ZNF382: variants seen among roughly 807,000 people sequenced by gnomAD.
ZNF382 encodes zinc finger protein 382, also known as KRAB/zinc finger suppressor protein 1.
A neutral mutation model predicts 38.8 loss-of-function variants in ZNF382; 20 were observed. That is an observed-to-expected ratio of 0.51 (90% CI 0.36 to 0.75). The LOEUF (loss-of-function observed/expected upper bound fraction) is 0.75, where lower values mean the gene tolerates loss of function less well. Among genes scored for constraint, ZNF382 ranks in the 30% least tolerant of loss-of-function variants. The pLI is 0.00. For missense variants in ZNF382, 546 were observed against 654.1 expected, an observed-to-expected ratio of 0.83 and a Z score of 1.80; for synonymous variants, 202 against 223.1, an observed-to-expected ratio of 0.91 and a Z score of 0.84.
chr19:36,622,322 G>A (rs746512175), intron 4 of ZNF382, among the ~76,000 whole-genome samples: 33 of 152,026 alleles, frequency 2.2e-4, no homozygotes, highest in Non-Finnish European at 2.6e-4. Context: ...GTGGCACCCG[G>A]CCAGGTTTGA....
At chr19:36,625,920 G>A (rs1204671700) in intron 4 of ZNF382, among the ~76,000 whole-genome samples, 3 of 152,084 alleles carry the variant, frequency 2.0e-5, no homozygotes, top group Admixed American at 1.3e-4. Flanking sequence ...AAAGATATGA[G>A]TGTTTTTTGC....
chr19:36,621,505 C>A (rs1429665210), intron 4 of ZNF382, among the ~76,000 whole-genome samples: 1 of 151,814 alleles, frequency 6.6e-6, no homozygotes, highest in Non-Finnish European at 1.5e-5. Context: ...TTGTTCAAGA[C>A]TACTAAATAT....
rs778609516 is a variant in ZNF382, at chr19:36,626,353, A to C, written c.456A>C (p.Arg152Ser). 4 of 1,581,412 alleles carry C rather than the reference A, an allele frequency of 2.5e-6. No homozygotes were observed. The highest frequency in any genetic ancestry group is 3.4e-6 in the Non-Finnish European group (4 of 1,168,972). ...AAAATATTTCAGAACTAGTCATTAG[A>C]AATATAAGCCCCATAAAAGAGAAGT... is the stretch of plus-strand genomic sequence containing the variant. ...VLKNISELVIRNISPIKEKFG... is the reference protein window; with the variant it reads ...VLKNISELVISNISPIKEKFG... Residue 152 changes from arginine (R) to serine (S), a missense_variant, in exon 5 of 5, where the codon AGA (arginine) becomes AGC (serine). Coordinates refer to ENST00000292928, the MANE Select transcript of ZNF382 (RefSeq NM_032825.5).
chr19:36,609,078 A>G (rs1239937215), intron 2 of ZNF382: 1 of 152,210 alleles, frequency 6.6e-6, no homozygotes. Flanking sequence ...ACGTGTGTCA[A>G]CTTATGTTTA....
chr19:36,623,430 T>C (rs1415147237), intron 4 of ZNF382, among the ~76,000 whole-genome samples: 1 of 152,118 alleles, frequency 6.6e-6, no homozygotes, highest in Non-Finnish European at 1.5e-5. Flanking sequence ...TATCTGGAAG[T>C]GAATGTTCCA....
chr19:36,614,584 T>A (rs2037105891), intron 4 of ZNF382, among the ~76,000 whole-genome samples: 1 of 152,178 alleles, frequency 6.6e-6, no homozygotes, highest in Non-Finnish European at 1.5e-5. Context: ...TCTTACATAT[T>A]GCTCATTAAG....
intron 4 of ZNF382, among the ~76,000 whole-genome samples, chr19:36,621,952 A>G (rs2037174021): frequency 6.6e-6 from 1 of 152,192 alleles, no homozygotes; most frequent in South Asian, 2.1e-4. Flanking sequence ...ACAGTAATCC[A>G]TCCAAGACTG....
In ZNF382 at chr19:36,631,101, A is replaced by G. The variant is rs2037251355; in HGVS notation, c.*3551A>G. ...CACTCACTTTAGAGATTTTCACTTTATGAATTGATAAATACAGCATTGCAT... is the reference window on the plus strand; with the variant it reads ...CACTCACTTTAGAGATTTTCACTTTGTGAATTGATAAATACAGCATTGCAT... On this transcript the variant is annotated 3_prime_UTR_variant, in exon 5 of 5. Coordinates refer to ENST00000292928, the MANE Select transcript of ZNF382 (RefSeq NM_032825.5). The G allele has an allele frequency of 6.6e-6, 1 of 152,016 alleles. No homozygotes were observed. The highest frequency in any genetic ancestry group is 2.1e-4 in the South Asian group (1 of 4,812). The allele number at this position is 152,016 out of a possible 1,614,324, so 9.4% of individuals were successfully genotyped here.
chr19:36,606,121 T>G (rs1000184853), intron 1 of ZNF382, among the ~76,000 whole-genome samples: 2 of 152,140 alleles, frequency 1.3e-5, no homozygotes, highest in African/African-American at 2.4e-5. Flanking sequence ...GACTTGATTA[T>G]CTGAATAGTA....
At position 36,630,213 on chromosome 19, in the gene ZNF382, T is replaced by A. The variant is rs1370994332; in HGVS notation, c.*2663T>A. The A allele has an allele frequency of 6.6e-6, 1 of 152,114 alleles. No individual in the cohort carries two copies. 9.4% of individuals were successfully genotyped at this position (152,114 alleles called of 1,614,324 possible). A position where few individuals can be genotyped will look rare whatever the true frequency, so the allele number is the denominator to read the frequency against. ...AATAGCCCCCAAAAGAAAGGCAGGATAATGCGATCTATCCTCAAAAGACCC... is the reference window on the plus strand; with the variant it reads ...AATAGCCCCCAAAAGAAAGGCAGGAAAATGCGATCTATCCTCAAAAGACCC... On this transcript the variant is annotated 3_prime_UTR_variant, in exon 5 of 5. Transcript: ENST00000292928.
chr19:36,607,087 A>G (rs2037037999), intron 1 of ZNF382, among the ~76,000 whole-genome samples: 1 of 152,002 alleles, frequency 6.6e-6, no homozygotes, highest in Non-Finnish European at 1.5e-5. Context: ...CAAAAAAAAA[A>G]AAAAAAAAGA....
At chr19:36,619,153 G>A (rs1205939374) in intron 4 of ZNF382, among the ~76,000 whole-genome samples, 1 of 152,206 alleles carries the variant, frequency 6.6e-6, no homozygotes, top group East Asian at 1.9e-4. Flanking sequence ...GTGCGCATAT[G>A]TCTGTGTGTA....
rs185148972 is a variant in ZNF382, at chr19:36,610,640, C to T, written c.140-10C>T. Reference sequence around the variant, plus strand: ...CAGCTTAGACCAAAAGTCTCATTTTCCATCATCAGGGTTTCACATGGCTAA... The same window carrying T: ...CAGCTTAGACCAAAAGTCTCATTTTTCATCATCAGGGTTTCACATGGCTAA... On this transcript the variant is annotated splice_polypyrimidine_tract_variant and intron_variant, in intron 3 of 4. Coordinates refer to ENST00000292928, the MANE Select transcript of ZNF382 (RefSeq NM_032825.5). 7.6e-3 allele frequency: 12,179 copies of T among 1,604,284 alleles called. 63 individuals carry two copies. The highest frequency in any genetic ancestry group is 0.019 in the Middle Eastern group (116 of 6,022).
At chr19:36,620,638 G>T (rs2037161506) in intron 4 of ZNF382, among the ~76,000 whole-genome samples, 1 of 152,112 alleles carries the variant, frequency 6.6e-6, no homozygotes, top group Non-Finnish European at 1.5e-5. Context: ...AACTGTAGTG[G>T]TATATTTTAA....
intron 1 of ZNF382, among the ~76,000 whole-genome samples, chr19:36,606,442 A>G (rs1486093907): frequency 6.7e-6 from 1 of 149,882 alleles, no homozygotes; most frequent in Non-Finnish European, 1.5e-5. Context: ...TGCCACCTCT[A>G]CCTCTGAAGT....
Position 36,627,125 on chromosome 19 carries a change from T to C in ZNF382, c.1228T>C (p.Cys410Arg). ...TCACACAGGAGAGAAACCGTATCAGTGTAATGAGTGTGGGAAGGCATTTAT... is the reference window on the plus strand; with the variant it reads ...TCACACAGGAGAGAAACCGTATCAGCGTAATGAGTGTGGGAAGGCATTTAT... Reference protein sequence around the residue: ...RTHTGEKPYQCNECGKAFIQK... With the variant: ...RTHTGEKPYQRNECGKAFIQK... The change falls in exon 5 of 5, where the codon TGT becomes CGT. Residue 410 changes from cysteine to arginine, a missense_variant. Physicochemically the swap from Cys to Arg is radical, Grantham distance 180. Transcript: ENST00000292928. 3 of 1,614,154 alleles carry C rather than the reference T, an allele frequency of 1.9e-6. No individual in the cohort carries two copies. The highest frequency in any genetic ancestry group is 2.5e-6 in the Non-Finnish European group (3 of 1,180,034).
At chr19:36,608,611 A>C (rs561968731) in intron 2 of ZNF382, 2 of 152,066 alleles carry the variant, frequency 1.3e-5, no homozygotes, top group South Asian at 2.1e-4. Context: ...AATCAGATTC[A>C]CTCTGAAGGC....
Position 36,609,900 on chromosome 19 carries a change from A to G in ZNF382, c.-13-2A>G, listed in dbSNP as rs1160871996. On this transcript the variant is annotated splice_acceptor_variant, in intron 2 of 4. Coordinates refer to ENST00000292928, the MANE Select transcript of ZNF382 (RefSeq NM_032825.5). LOFTEE classifies it low-confidence loss of function (5UTR_SPLICE). ...GTTCTCACACATTTCCGATCACTTC[A>G]GGATGAACTAGAGTATGCCCTTACA... is the stretch of plus-strand genomic sequence containing the variant. The G allele has an allele frequency of 6.2e-7, 1 of 1,603,726 alleles. No individual in the cohort carries two copies. Among genetic ancestry groups the G allele is most frequent in the Admixed American group, 1.8e-5 (1 of 56,702 alleles).
intron 4 of ZNF382, among the ~76,000 whole-genome samples, chr19:36,621,324 G>GTTTTTTTTTTTTTTT (rs10557413): frequency 5.7e-5 from 6 of 104,466 alleles, no homozygotes; most frequent in East Asian, 2.8e-4. Context: ...TTTTTCCCTA[G>GTTTTTTTTTTTTTTT]TTTTTTTTTT....
Sources: allele counts gnomAD v4.1 joint callset (sites outside exome capture counted in the v4.1 genomes callset), GRCh38; gene constraint gnomAD v4.1.1; transcripts MANE v1.5; gene names NCBI Gene and HGNC (gene_info 2026-07-23, HGNC 2026-07-21).